KCNH7: variants seen among roughly 807,000 people sequenced by gnomAD.
KCNH7 encodes the protein voltage-gated inwardly rectifying potassium channel KCNH7.
In KCNH7, 49 loss-of-function variants were observed where a neutral mutation model predicts 120.8. That is an observed-to-expected ratio of 0.41 (90% CI 0.32 to 0.51). The LOEUF is 0.51. Ranked by LOEUF, KCNH7 falls within the 20% of genes least tolerant of loss-of-function variation. The probability of loss-of-function intolerance (pLI) is 0.38; values close to 1 mark genes in which losing one functional copy is unlikely to be tolerated. For synonymous variants in KCNH7, 547 were observed against 516.1 expected (o/e 1.06, Z -0.81); for missense variants, 1,097 against 1,446.6 (o/e 0.76, Z 3.92).
intron 2 of KCNH7, among the ~76,000 whole-genome samples, chr2:162,794,771 G>A (rs1684078708): frequency 6.6e-6 from 1 of 151,876 alleles, no homozygotes; most frequent in Non-Finnish European, 1.5e-5. Flanking sequence ...AGTAATATAC[G>A]ACAATGCCTT....
chr2:162,822,787 T>A (rs1475942599), intron 2 of KCNH7, among the ~76,000 whole-genome samples: 1 of 152,128 alleles, frequency 6.6e-6, no homozygotes, highest in Non-Finnish European at 1.5e-5. Context: ...TAGCAATGGT[T>A]TTTAAACCTT....
rs1682922504 is a variant in KCNH7, at chr2:162,768,734, G to A, written c.307+67803C>T. On this transcript the variant is annotated intron_variant, in intron 2 of 15. Transcript: ENST00000332142. ...GCCAGGAGCAAGTCTTCCAGCTCTT[G>A]GAAAGTGTGAATGCAGGCTGTAGTG... is the stretch of plus-strand genomic sequence containing the variant. Among the ~76,000 whole-genome samples, 5 of 152,104 alleles carry A rather than the reference G, an allele frequency of 3.3e-5. No homozygotes were observed. The South Asian group carries it at 1.0e-3, about 32-fold the overall frequency.
rs558771182 is a variant in KCNH7, at chr2:162,743,885, A to C, written c.307+92652T>G. Among the ~76,000 whole-genome samples, 86 of 152,280 alleles carry C rather than the reference A, an allele frequency of 5.6e-4. 1 individual carries two copies. In the South Asian group the frequency reaches 0.011, roughly 19 times the overall value. On this transcript the variant is annotated intron_variant, in intron 2 of 15. Coordinates refer to ENST00000332142, the MANE Select transcript of KCNH7 (RefSeq NM_033272.4). Reference sequence around the variant, plus strand: ...ATAATATATTTTAAAATATTTTTTCATATATAATACTAGTGGGTAAAACGG... The same window carrying C: ...ATAATATATTTTAAAATATTTTTTCCTATATAATACTAGTGGGTAAAACGG...
chr2:162,785,092 G>A (rs1683648798), intron 2 of KCNH7: 1 of 152,184 alleles, frequency 6.6e-6, no homozygotes, highest in Non-Finnish European at 1.5e-5. Context: ...TCTGACAACT[G>A]GAACTCTCAA....
intron 10 of KCNH7, among the ~76,000 whole-genome samples, chr2:162,399,781 C>T (rs142699166): frequency 6.6e-6 from 1 of 151,688 alleles, no homozygotes; most frequent in Non-Finnish European, 1.5e-5. Context: ...AAACATAAAC[C>T]CAGTTCATGA....
At chr2:162,751,770 A>AT (rs1488080948) in intron 2 of KCNH7, among the ~76,000 whole-genome samples, 1 of 151,648 alleles carries the variant, frequency 6.6e-6, no homozygotes, top group African/African-American at 2.4e-5. Context: ...ATACAAAAGC[A>AT]TTTTATATTC....
intron 2 of KCNH7, among the ~76,000 whole-genome samples, chr2:162,686,575 A>T (rs1035891074): frequency 2.6e-5 from 4 of 152,132 alleles, no homozygotes; most frequent in South Asian, 2.1e-4. Flanking sequence ...AAATATGCAA[A>T]TTAGTTCAGC....
intron 2 of KCNH7, among the ~76,000 whole-genome samples, chr2:162,673,685 T>C (rs1370305778): frequency 6.6e-6 from 1 of 152,072 alleles, no homozygotes; most frequent in East Asian, 1.9e-4. Context: ...CATATATATT[T>C]GACATACAAC....
At chr2:162,639,037 C>T (rs1427875747) in intron 2 of KCNH7, among the ~76,000 whole-genome samples, 3 of 152,092 alleles carry the variant, frequency 2.0e-5, no homozygotes, top group Non-Finnish European at 4.4e-5. Context: ...TGGCCTCTGC[C>T]TATTAGATAC....
chr2:162,610,981 G>A (rs569055007), intron 2 of KCNH7, among the ~76,000 whole-genome samples: 23 of 152,292 alleles, frequency 1.5e-4, no homozygotes, highest in African/African-American at 5.3e-4. Context: ...CCTGCTCCCC[G>A]TAGGGACACT....
chr2:162,805,781 T>C (rs1428292601), intron 2 of KCNH7, among the ~76,000 whole-genome samples: 1 of 152,078 alleles, frequency 6.6e-6, no homozygotes, highest in African/African-American at 2.4e-5. Flanking sequence ...GACATATACA[T>C]GTATGTTTGT....
Position 162,647,487 on chromosome 2 carries a change from C to G in KCNH7, c.308-110407G>C, listed in dbSNP as rs565788124. ...TAATATGGTTGGCTGTGTCCCCAAC[C>G]AAATATCACCTTGAATTGTAATAAG... On this transcript the variant is annotated intron_variant, in intron 2 of 15. Transcript: ENST00000332142. 4.6e-5 allele frequency among the ~76,000 whole-genome samples: 7 copies of G among 152,238 alleles called. No individual in the cohort carries two copies. In the East Asian group the frequency reaches 1.3e-3, roughly 29 times the overall value.
Position 162,517,952 on chromosome 2 carries a change from T to C in KCNH7, c.670A>G (p.Lys224Glu), listed in dbSNP as rs753980078. Residue 224 changes from lysine (K) to glutamate (E), a missense_variant, in exon 4 of 16, where the codon AAA becomes GAA. Coordinates refer to ENST00000332142, the MANE Select transcript of KCNH7 (RefSeq NM_033272.4). ...DDTKALIQPS[K>E]CSPLVNISGP... Reference sequence around the variant, plus strand: ...GATATATTCACCAAGGGAGAACATTTGCTGGGCTGTATCAAAGCTTTTGTG... The same window carrying C: ...GATATATTCACCAAGGGAGAACATTCGCTGGGCTGTATCAAAGCTTTTGTG... 2.7e-5 allele frequency: 43 copies of C among 1,612,416 alleles called. No individual in the cohort carries two copies. Among genetic ancestry groups the C allele is most frequent in the Non-Finnish European group, 6.8e-6 (8 of 1,178,954 alleles).
intron 6 of KCNH7, among the ~76,000 whole-genome samples, chr2:162,456,559 CT>C (rs1171114362): frequency 2.0e-5 from 3 of 151,924 alleles, no homozygotes; most frequent in African/African-American, 4.8e-5. Flanking sequence ...CTTGAATATC[CT>C]TGTTAATTTT....
chr2:162,833,284 AT>A (rs869287302), intron 2 of KCNH7, among the ~76,000 whole-genome samples: 1 of 133,122 alleles, frequency 7.5e-6, no homozygotes, highest in African/African-American at 3.0e-5. Context: ...GCTAACTAAA[AT>A]ATTTTTTTTT....
intron 2 of KCNH7, among the ~76,000 whole-genome samples, chr2:162,738,187 T>C (rs992198291): frequency 6.6e-5 from 10 of 151,710 alleles, no homozygotes; most frequent in African/African-American, 2.4e-4. Flanking sequence ...AAGATAATAG[T>C]CAAGTCATTG....
chr2:162,445,565 T>C (rs1688552216), intron 7 of KCNH7, among the ~76,000 whole-genome samples: 1 of 152,170 alleles, frequency 6.6e-6, no homozygotes, highest in South Asian at 2.1e-4. Context: ...AAGCTGAATA[T>C]TATTTAAGAG....
In KCNH7 at chr2:162,400,186, C is replaced by T; in HGVS notation, c.2407+3G>A. On this transcript the variant is annotated splice_donor_region_variant and intron_variant, in intron 10 of 15. Coordinates refer to ENST00000332142, the MANE Select transcript of KCNH7 (RefSeq NM_033272.4). ...TGTCACCATGCACTTCTAAAACACT[C>T]ACCCAGAATAGCCACCACAATGTCA... 1.2e-6 allele frequency: 2 copies of T among 1,611,618 alleles called. No individual in the cohort carries two copies. Among genetic ancestry groups the T allele is most frequent in the Non-Finnish European group, 1.7e-6 (2 of 1,178,444 alleles).
intron 2 of KCNH7, among the ~76,000 whole-genome samples, chr2:162,808,687 C>T (rs921192857): frequency 7.9e-5 from 12 of 152,006 alleles, no homozygotes; most frequent in African/African-American, 2.7e-4. Context: ...TTTTGGAATG[C>T]ACCATACACA....
Sources: gnomAD v4.1 joint callset for allele counts (sites outside exome capture counted in the v4.1 genomes callset) on GRCh38, gnomAD v4.1.1 for gene constraint, MANE v1.5 for transcripts, NCBI Gene and HGNC (gene_info 2026-07-23, HGNC 2026-07-21) for gene names.